Variants in PPARGC1A observed in about 807,000 individuals in gnomAD.
PPARGC1A encodes the protein peroxisome proliferator-activated receptor gamma coactivator 1-alpha.
PPARGC1A carries 25 observed loss-of-function variants against 88.7 expected under a neutral mutation model. The ratio of observed to expected loss-of-function variants is 0.28; its 90% CI spans 0.21 to 0.39. PPARGC1A has a LOEUF of 0.39. Ranked by LOEUF, PPARGC1A falls within the 10% of genes least tolerant of loss-of-function variation. PPARGC1A has a pLI of 1.00. For synonymous variants in PPARGC1A, 363 were observed against 355.6 expected, an observed-to-expected ratio of 1.02 and a Z score of -0.24; for missense variants, 880 against 968.7, an observed-to-expected ratio of 0.91 and a Z score of 1.22.
At chr4:24,224,692 G>C in the PPARGC1A span, among the ~76,000 whole-genome samples, 1 of 152,162 alleles carries the variant, frequency 6.6e-6, no homozygotes, top group Non-Finnish European at 1.5e-5. Flanking sequence ...AAGTGGAAAG[G>C]GGAGGTGGAG....
chr4:23,813,016 A>G lies in PPARGC1A; in HGVS notation c.1898+5T>C. ...GAGCTAAAGGAAAATGACATGCCTCATTACCTGGGCCGACGGCTGTAGGGC... is the reference window on the plus strand; with the variant it reads ...GAGCTAAAGGAAAATGACATGCCTCGTTACCTGGGCCGACGGCTGTAGGGC... On this transcript the variant is annotated splice_donor_5th_base_variant and intron_variant, in intron 9 of 12. Transcript: ENST00000264867. The G allele has an allele frequency of 6.2e-7, 1 of 1,613,902 alleles. No individual in the cohort carries two copies. The highest frequency in any genetic ancestry group is 8.5e-7 in the Non-Finnish European group (1 of 1,179,856).
the PPARGC1A span, among the ~76,000 whole-genome samples, chr4:24,098,617 A>G: frequency 6.6e-6 from 1 of 152,228 alleles, no homozygotes. Context: ...CGCTTAAGTG[A>G]GAAATAACCT....
At chr4:23,941,361 A>T in the PPARGC1A span, among the ~76,000 whole-genome samples, 1 of 151,956 alleles carries the variant, frequency 6.6e-6, no homozygotes, top group African/African-American at 2.4e-5. Flanking sequence ...CCCAGTTTTA[A>T]TTTTTTTTAA....
the PPARGC1A span, among the ~76,000 whole-genome samples, chr4:24,362,768 C>T: frequency 6.6e-6 from 1 of 152,178 alleles, no homozygotes; most frequent in South Asian, 2.1e-4. Flanking sequence ...TCACAAGAAT[C>T]CCGGTTAAGC....
the PPARGC1A span, among the ~76,000 whole-genome samples, chr4:24,280,698 T>G: frequency 6.6e-6 from 1 of 152,250 alleles, no homozygotes; most frequent in East Asian, 1.9e-4. Context: ...TCAATTTTTT[T>G]AGTGGACTTA....
At chr4:24,387,458 G>A in the PPARGC1A span, among the ~76,000 whole-genome samples, 2 of 152,048 alleles carry the variant, frequency 1.3e-5, no homozygotes, top group South Asian at 2.1e-4. Flanking sequence ...GGGCGTGGTG[G>A]CTCATGCCTG....
At chr4:24,135,031 G>A in the PPARGC1A span, among the ~76,000 whole-genome samples, 1 of 152,148 alleles carries the variant, frequency 6.6e-6, no homozygotes, top group Non-Finnish European at 1.5e-5. Flanking sequence ...TACTGCTCCT[G>A]TGGCCCCTTC....
chr4:24,008,646 T>C, the PPARGC1A span, among the ~76,000 whole-genome samples: 3 of 152,260 alleles, frequency 2.0e-5, no homozygotes, highest in Admixed American at 1.3e-4. Flanking sequence ...TCTAACTGCA[T>C]TCAAGTTTGG....
At chr4:24,374,386 G>A in the PPARGC1A span, among the ~76,000 whole-genome samples, 1 of 151,942 alleles carries the variant, frequency 6.6e-6, no homozygotes, top group Non-Finnish European at 1.5e-5. Flanking sequence ...GGGGAACATC[G>A]CACATTGGGG....
the PPARGC1A span, among the ~76,000 whole-genome samples, chr4:24,313,959 T>C: frequency 6.6e-6 from 1 of 152,362 alleles, no homozygotes; most frequent in Middle Eastern, 3.4e-3. Context: ...ATTAGCTAGA[T>C]GTATATGTAT....
chr4:23,793,017 A>G lies in PPARGC1A; in HGVS notation c.*2805T>C, dbSNP rs995519004. On this transcript the variant is annotated 3_prime_UTR_variant, in exon 13 of 13. Coordinates refer to ENST00000264867, the MANE Select transcript of PPARGC1A (RefSeq NM_013261.5). The stretch of plus-strand genomic sequence containing the variant: ...TGATAAGTAAGAAAAGAAACCAAGT[A>G]TTCCACTCATGTCAACAATCCAGGG... The G allele has an allele frequency of 6.6e-6, 1 of 152,522 alleles. No homozygotes were observed. The highest frequency in any genetic ancestry group is 1.5e-5 in the Non-Finnish European group (1 of 68,008). 9.4% of individuals were successfully genotyped at this position (152,522 alleles called of 1,614,324 possible).
the PPARGC1A span, among the ~76,000 whole-genome samples, chr4:24,124,705 C>T: frequency 6.6e-6 from 1 of 151,648 alleles, no homozygotes; most frequent in African/African-American, 2.4e-5. Flanking sequence ...AATGTTAGTA[C>T]AGAGAACAAT....
the PPARGC1A span, among the ~76,000 whole-genome samples, chr4:24,213,002 T>C: frequency 6.6e-6 from 1 of 152,010 alleles, no homozygotes; most frequent in Non-Finnish European, 1.5e-5. Context: ...CAGGACAAAA[T>C]CAGCCTTGTT....
the PPARGC1A span, among the ~76,000 whole-genome samples, chr4:24,036,267 A>G: frequency 6.6e-6 from 1 of 152,230 alleles, no homozygotes; most frequent in African/African-American, 2.4e-5. Flanking sequence ...AGGTAGAGAG[A>G]CTAGAACTCT....
the PPARGC1A span, among the ~76,000 whole-genome samples, chr4:24,322,945 CTACATT>C: frequency 2.8e-3 from 433 of 152,268 alleles, 16 homozygotes; most frequent in East Asian, 0.063. Flanking sequence ...ATTGTATTAT[CTACATT>C]GTCTTCGGTA....
chr4:24,404,077 C>T, the PPARGC1A span, among the ~76,000 whole-genome samples: 1 of 151,904 alleles, frequency 6.6e-6, no homozygotes, highest in Non-Finnish European at 1.5e-5. Flanking sequence ...TCCTGGCTAA[C>T]ATGGTGAAAC....
intron 2 of PPARGC1A, among the ~76,000 whole-genome samples, chr4:23,840,762 A>G (rs569058947): frequency 6.6e-6 from 1 of 152,280 alleles, no homozygotes; most frequent in East Asian, 1.9e-4. Context: ...TCCTGATAAT[A>G]TAAGAATATA....
At chr4:24,011,898 A>C in the PPARGC1A span, among the ~76,000 whole-genome samples, 1 of 152,228 alleles carries the variant, frequency 6.6e-6, no homozygotes, top group Non-Finnish European at 1.5e-5. Flanking sequence ...TTATCATATG[A>C]ACAGCAGTTA....
At chr4:23,807,567 A>T (rs934160391) in intron 10 of PPARGC1A, among the ~76,000 whole-genome samples, 5 of 152,218 alleles carry the variant, frequency 3.3e-5, no homozygotes, top group African/African-American at 9.6e-5. Context: ...ACTACTTTTT[A>T]AAAAAGCTTC....
Sources: gnomAD v4.1 joint callset for allele counts (sites outside exome capture counted in the v4.1 genomes callset) on GRCh38, gnomAD v4.1.1 for gene constraint, MANE v1.5 for transcripts, NCBI Gene and HGNC (gene_info 2026-07-23, HGNC 2026-07-21) for gene names.